FMNL2: variants seen among roughly 807,000 people sequenced by gnomAD.
FMNL2 encodes formin like 2, also known as formin-like protein 2.
FMNL2 carries 51 observed loss-of-function variants against 130.2 expected under a neutral mutation model. That is an observed-to-expected ratio of 0.39 (90% CI 0.31 to 0.49). FMNL2 has a LOEUF of 0.49. Ranked by LOEUF, FMNL2 falls within the 20% of genes least tolerant of loss-of-function variation. FMNL2 has a pLI of 0.85. For missense variants in FMNL2, 977 were observed against 1,316.2 expected (o/e 0.74, Z 3.99); for synonymous variants, 465 against 467.1 (o/e 1.00, Z 0.06).
intron 1 of FMNL2, among the ~76,000 whole-genome samples, chr2:152,467,694 G>A (rs1558887493): frequency 1.3e-5 from 2 of 152,190 alleles, no homozygotes; most frequent in Admixed American, 6.5e-5. Flanking sequence ...TAGTGAGCTC[G>A]CTGTGGACTT....
intron 1 of FMNL2, among the ~76,000 whole-genome samples, chr2:152,505,207 C>T (rs934276318): frequency 6.6e-6 from 1 of 151,922 alleles, no homozygotes. Context: ...ATCTTTGCAC[C>T]TTCCATTTTT....
chr2:152,646,334 C>G (rs1450838210), intron 25 of FMNL2, among the ~76,000 whole-genome samples: 1 of 15,112 alleles, frequency 6.6e-5, no homozygotes, highest in Non-Finnish European at 2.8e-4. Flanking sequence ...CCCCTCACAA[C>G]CCCCGCCCAC....
rs964716805 is a variant in FMNL2 at position 152,648,706 on chromosome 2, A to C, written c.*801A>C. 6.6e-6 allele frequency: 1 copy of C among 152,624 alleles called. No homozygotes were observed. Among genetic ancestry groups the C allele is most frequent in the African/African-American group, 2.4e-5 (1 of 41,444 alleles). 9.5% of individuals were successfully genotyped at this position (152,624 alleles called of 1,614,324 possible). On this transcript the variant is annotated 3_prime_UTR_variant, in exon 26 of 26. Coordinates refer to ENST00000288670, the MANE Select transcript of FMNL2 (RefSeq NM_052905.4). Reference sequence around the variant, plus strand: ...GAACAGAAATTGGTGCCTTGCAAGGAAGTTTACTAGCTCTATCAACAAGCA... The same window carrying C: ...GAACAGAAATTGGTGCCTTGCAAGGCAGTTTACTAGCTCTATCAACAAGCA...
chr2:152,604,176 C>T (rs1343537116), intron 9 of FMNL2, among the ~76,000 whole-genome samples: 1 of 150,800 alleles, frequency 6.6e-6, no homozygotes, highest in African/African-American at 2.4e-5. Flanking sequence ...GCCTTAACTA[C>T]CTTCTTTAAT....
Position 152,617,193 on chromosome 2 carries a change from G to A in FMNL2, c.1314+1G>A. The stretch of plus-strand genomic sequence containing the variant: ...GAACAAGGAGCTGGATGTCGTTCGG[G>A]TAAGTGTAATGATGACAACTGCCCA... On this transcript the variant is annotated splice_donor_variant, in intron 13 of 25. Transcript: ENST00000288670. LOFTEE classifies it high-confidence loss of function. 2 of 1,613,856 alleles carry A rather than the reference G, an allele frequency of 1.2e-6. No homozygotes were observed. The highest frequency in any genetic ancestry group is 1.7e-6 in the Non-Finnish European group (2 of 1,179,772).
At chr2:152,346,010 C>T (rs567985477) in intron 1 of FMNL2, among the ~76,000 whole-genome samples, 54 of 152,194 alleles carry the variant, frequency 3.5e-4, no homozygotes, top group African/African-American at 1.2e-3. Context: ...TAACATTAAA[C>T]ACCTATAGTT....
intron 9 of FMNL2, among the ~76,000 whole-genome samples, chr2:152,585,034 A>G (rs1227575149): frequency 1.3e-5 from 2 of 152,218 alleles, no homozygotes; most frequent in Non-Finnish European, 2.9e-5. Flanking sequence ...AATGAGTCTT[A>G]ATTACATGAA....
At chr2:152,629,622 T>C (rs1266644941) in intron 18 of FMNL2, 34 bp from the exon 19 acceptor site, 5 of 1,555,262 alleles carry the variant, frequency 3.2e-6, no homozygotes, top group Non-Finnish European at 3.5e-6. Context: ...AACATGTCTT[T>C]TTTCCCCTTT....
intron 1 of FMNL2, among the ~76,000 whole-genome samples, chr2:152,501,878 C>T (rs1691856074): frequency 6.6e-6 from 1 of 152,100 alleles, no homozygotes; most frequent in Non-Finnish European, 1.5e-5. Flanking sequence ...TGAATGTGAT[C>T]CAAACGTTCT....
intron 5 of FMNL2, 133 bp from the exon 6 acceptor site, chr2:152,560,750 C>T: frequency 1.4e-6 from 1 of 732,804 alleles, no homozygotes; most frequent in Non-Finnish European, 2.0e-6. Context: ...ATTTCCTTTC[C>T]AGTTTTCTTT....
At chr2:152,531,702 C>T (rs955826885) in intron 2 of FMNL2, among the ~76,000 whole-genome samples, 2 of 152,056 alleles carry the variant, frequency 1.3e-5, no homozygotes, top group South Asian at 4.2e-4. Context: ...TTTTGAACTC[C>T]TGACCTCAAG....
At chr2:152,613,152 T>G (rs1480825131) in intron 11 of FMNL2, among the ~76,000 whole-genome samples, 2 of 152,250 alleles carry the variant, frequency 1.3e-5, no homozygotes, top group African/African-American at 4.8e-5. Context: ...ATTGCTTTCC[T>G]TTTTATTTAA....
chr2:152,624,203 G>A (rs1681605551), intron 15 of FMNL2, among the ~76,000 whole-genome samples: 1 of 150,192 alleles, frequency 6.7e-6, no homozygotes, highest in South Asian at 2.1e-4. Flanking sequence ...TGTTACCCAG[G>A]CTAGAGTGCT....
intron 9 of FMNL2, among the ~76,000 whole-genome samples, chr2:152,581,922 G>T (rs950536863): frequency 1.3e-5 from 2 of 152,166 alleles, no homozygotes; most frequent in Non-Finnish European, 2.9e-5. Context: ...CCAGGTCACA[G>T]AGGGACTGTT....
Position 152,521,952 on chromosome 2 carries a change from A to G in FMNL2, c.127A>G (p.Asn43Asp). 6.2e-7 allele frequency: 1 copy of G among 1,612,890 alleles called. No homozygotes were observed. Among genetic ancestry groups the G allele is most frequent in the Non-Finnish European group, 8.5e-7 (1 of 1,179,298 alleles). ...ERFAIVLNAM[N>D]LPPDKARLLR... Reference sequence around the variant, plus strand: ...TATTTTTTTTAAACAGAATGCTATGAACCTACCTCCTGACAAAGCCAGGTT... The same window carrying G: ...TATTTTTTTTAAACAGAATGCTATGGACCTACCTCCTGACAAAGCCAGGTT... The change falls in exon 2 of 26, where the codon AAC (asparagine) becomes GAC (aspartate). Residue 43 changes from asparagine to aspartate, a missense_variant. By Grantham distance (23) the Asn-to-Asp change is conservative. Coordinates refer to ENST00000288670, the MANE Select transcript of FMNL2 (RefSeq NM_052905.4).
At chr2:152,352,387 A>G (rs1418289533) in intron 1 of FMNL2, among the ~76,000 whole-genome samples, 1 of 152,252 alleles carries the variant, frequency 6.6e-6, no homozygotes, top group African/African-American at 2.4e-5. Flanking sequence ...TTACCTGAGA[A>G]CACATATTTC....
intron 1 of FMNL2, among the ~76,000 whole-genome samples, chr2:152,338,836 C>CACACACATAA (rs1681633191): frequency 6.6e-6 from 1 of 151,324 alleles, no homozygotes; most frequent in African/African-American, 2.4e-5. Context: ...CACACACACA[C>CACACACATAA]ACACACACAC....
rs1694493486 is a variant in FMNL2 at position 152,544,265 on chromosome 2, A to C, written c.282+1446A>C. On this transcript the variant is annotated intron_variant, in intron 3 of 25. Transcript: ENST00000288670. ...TCTACTAAAACTACAAAAATGAGCC[A>C]GGCATGGTGGCAGGCACCTGTAATC... 2.0e-5 allele frequency among the ~76,000 whole-genome samples: 3 copies of C among 152,246 alleles called. No individual in the cohort carries two copies. The South Asian group carries it at 6.2e-4, about 32-fold the overall frequency.
chr2:152,375,486 A>G (rs1684099826), intron 1 of FMNL2, among the ~76,000 whole-genome samples: 1 of 152,226 alleles, frequency 6.6e-6, no homozygotes, highest in Non-Finnish European at 1.5e-5. Context: ...ATTCATTCAT[A>G]TTTAGGATGA....
Sources: gnomAD v4.1 joint callset for allele counts (sites outside exome capture counted in the v4.1 genomes callset) on GRCh38, gnomAD v4.1.1 for gene constraint, MANE v1.5 for transcripts, NCBI Gene and HGNC (gene_info 2026-07-23, HGNC 2026-07-21) for gene names.